Variants in EYS observed in about 807,000 individuals in gnomAD.
EYS encodes the protein EGF-like photoreceptor maintenance factor, also known as protein eyes shut homolog.
A neutral mutation model predicts 282.1 loss-of-function variants in EYS; 250 were observed. The observed-to-expected ratio is 0.89, with a 90% CI of 0.80 to 0.98. EYS has a LOEUF of 0.98. Ranked by LOEUF, EYS falls within the 50% of genes least tolerant of loss-of-function variation. The pLI, the probability that EYS is intolerant of heterozygous loss-of-function variation, is 0.00. For synonymous variants in EYS, 1,355 were observed against 1,282.9 expected (o/e 1.06, Z -1.20); for missense variants, 4,016 against 3,709.0 (o/e 1.08, Z -2.15).
chr6:64,058,013 G>A (rs1046544523), intron 33 of EYS, among the ~76,000 whole-genome samples: 45 of 152,024 alleles, frequency 3.0e-4, no homozygotes, highest in African/African-American at 9.7e-4. Flanking sequence ...TCGTAGAGAC[G>A]GGGTTTCACC....
At chr6:65,115,821 G>A (rs1381628981) in intron 12 of EYS, among the ~76,000 whole-genome samples, 1 of 152,190 alleles carries the variant, frequency 6.6e-6, no homozygotes, top group African/African-American at 2.4e-5. Flanking sequence ...ACAGAGTTTA[G>A]GTTACTTGTA....
intron 22 of EYS, among the ~76,000 whole-genome samples, chr6:64,664,719 C>A (rs1769167436): frequency 6.6e-6 from 1 of 152,112 alleles, no homozygotes; most frequent in Non-Finnish European, 1.5e-5. Flanking sequence ...GCTCATTTGA[C>A]CTTTTCATCA....
chr6:65,648,133 A>G (rs902137269), intron 1 of EYS, among the ~76,000 whole-genome samples: 3 of 152,214 alleles, frequency 2.0e-5, no homozygotes, highest in Admixed American at 6.5e-5. Flanking sequence ...TCCTTAAAGA[A>G]TTAAAAGTAG....
intron 35 of EYS, among the ~76,000 whole-genome samples, chr6:63,870,420 A>C (rs1034280925): frequency 3.3e-5 from 5 of 152,188 alleles, no homozygotes; most frequent in African/African-American, 1.2e-4. Flanking sequence ...TGGGTGGAAA[A>C]TTTATTCCTT....
chr6:64,306,640 C>A (rs960503403), intron 30 of EYS, among the ~76,000 whole-genome samples: 4 of 152,108 alleles, frequency 2.6e-5, no homozygotes, highest in Non-Finnish European at 5.9e-5. Flanking sequence ...GCACTCCACA[C>A]AATATAACAC....
intron 31 of EYS, among the ~76,000 whole-genome samples, chr6:64,221,108 A>T (rs1582446176): frequency 6.6e-6 from 1 of 152,196 alleles, no homozygotes; most frequent in African/African-American, 2.4e-5. Flanking sequence ...GCATGAAAAG[A>T]GTTTAGGACA....
intron 2 of EYS, among the ~76,000 whole-genome samples, chr6:65,596,020 C>T (rs754845741): frequency 4.6e-5 from 7 of 152,114 alleles, no homozygotes; most frequent in Non-Finnish European, 8.8e-5. Flanking sequence ...GAGAGAGGTC[C>T]ATCTGAAGAT....
intron 12 of EYS, among the ~76,000 whole-genome samples, chr6:65,236,064 A>G (rs1379595703): frequency 6.6e-6 from 1 of 151,888 alleles, no homozygotes; most frequent in Non-Finnish European, 1.5e-5. Context: ...TAAAATATTT[A>G]TAGTAATTTG....
intron 22 of EYS, among the ~76,000 whole-genome samples, chr6:64,786,757 A>T (rs1203892382): frequency 6.6e-6 from 1 of 152,154 alleles, no homozygotes; most frequent in African/African-American, 2.4e-5. Flanking sequence ...ATGATTTTTT[A>T]AAAAATTATT....
intron 22 of EYS, among the ~76,000 whole-genome samples, chr6:64,775,106 G>T (rs188724271): frequency 6.6e-6 from 1 of 151,898 alleles, no homozygotes; most frequent in Non-Finnish European, 1.5e-5. Flanking sequence ...GCAGGAGGGG[G>T]TAACTGCTGA....
intron 24 of EYS, among the ~76,000 whole-genome samples, chr6:64,601,534 T>C (rs1314909035): frequency 1.3e-5 from 2 of 152,076 alleles, no homozygotes; most frequent in African/African-American, 4.8e-5. Context: ...TCATAACACA[T>C]TTCAAATCCA....
intron 39 of EYS, among the ~76,000 whole-genome samples, chr6:63,780,476 A>G (rs1168664179): frequency 6.6e-6 from 1 of 151,936 alleles, no homozygotes; most frequent in Non-Finnish European, 1.5e-5. Context: ...TGTGGTTTTG[A>G]TTTGCATTTC....
At chr6:64,651,536 G>A (rs1768561457) in intron 22 of EYS, among the ~76,000 whole-genome samples, 1 of 152,054 alleles carries the variant, frequency 6.6e-6, no homozygotes, top group African/African-American at 2.4e-5. Context: ...TATTCATAAA[G>A]GCTAGGCACA....
chr6:64,040,488 T>G (rs2149836853), intron 33 of EYS, among the ~76,000 whole-genome samples: 1 of 152,350 alleles, frequency 6.6e-6, no homozygotes, highest in South Asian at 2.1e-4. Flanking sequence ...AATTTTAAAT[T>G]TTGTATTATT....
intron 39 of EYS, 146 bp from the exon 40 acceptor site, chr6:63,778,326 T>A: frequency 1.2e-6 from 1 of 839,988 alleles, no homozygotes; most frequent in Non-Finnish European, 1.8e-6. Context: ...AATACAGAAA[T>A]GCGCAGAGAA....
At chr6:65,407,512 C>T (rs146253418) in intron 5 of EYS, among the ~76,000 whole-genome samples, 220 of 152,224 alleles carry the variant, frequency 1.4e-3, no homozygotes, top group African/African-American at 5.1e-3. Flanking sequence ...TCTCGGCCTC[C>T]CAAAGTGCTG....
At chr6:65,076,067 G>A (rs942623203) in intron 12 of EYS, among the ~76,000 whole-genome samples, 2 of 151,852 alleles carry the variant, frequency 1.3e-5, no homozygotes, top group Non-Finnish European at 2.9e-5. Flanking sequence ...TTAATGATAA[G>A]AGGTTTGTAA....
intron 1 of EYS, among the ~76,000 whole-genome samples, chr6:65,646,708 A>G (rs917318707): frequency 1.1e-4 from 16 of 152,140 alleles, no homozygotes; most frequent in Non-Finnish European, 2.2e-4. Context: ...AAGACATCCA[A>G]TTTGGTAAAG....
intron 2 of EYS, among the ~76,000 whole-genome samples, chr6:65,552,766 A>C (rs1768644348): frequency 6.6e-6 from 1 of 152,132 alleles, no homozygotes; most frequent in Non-Finnish European, 1.5e-5. Flanking sequence ...ATTTACTCTC[A>C]AACTGTGATG....
Sources: allele counts gnomAD v4.1 joint callset (sites outside exome capture counted in the v4.1 genomes callset), GRCh38; gene constraint gnomAD v4.1.1; transcripts MANE v1.5; gene names NCBI Gene and HGNC (gene_info 2026-07-23, HGNC 2026-07-21).